The following SLC35F4 variants were observed in gnomAD, a reference collection of about 807,000 sequenced individuals.
The protein encoded by SLC35F4 is solute carrier family 35 member F4.
A neutral mutation model predicts 44.2 loss-of-function variants in SLC35F4; 24 were observed. That is an observed-to-expected ratio of 0.54 (90% CI 0.39 to 0.76). The LOEUF is 0.76. Ranked by LOEUF, SLC35F4 falls within the 30% of genes least tolerant of loss-of-function variation. The probability of loss-of-function intolerance (pLI) is 0.00; values close to 1 mark genes in which losing one functional copy is unlikely to be tolerated. For missense variants in SLC35F4, 562 were observed against 586.1 expected (o/e 0.96, Z 0.42); for synonymous variants, 238 against 223.6 (o/e 1.06, Z -0.57).
chr14:57,581,139 A>G (rs147425664), intron 4 of SLC35F4, 75 bp downstream of exon 4: 14,993 of 1,396,580 alleles, frequency 0.011, 129 homozygotes, highest in East Asian at 0.048. Context: ...CACGAAACAA[A>G]GCAGACAGGC....
rs200501656 is a variant in SLC35F4 at position 57,566,441 on chromosome 14, G to A, written c.1216+34C>T. 43 of 1,551,166 alleles carry A rather than the reference G, an allele frequency of 2.8e-5. No individual in the cohort carries two copies. The African/African-American group carries it at 5.2e-4, about 19-fold the overall frequency. ...AAACACAAGCAAGAGACTTGTAGTGGCCAGGATCTGCACATGTCACATGGT... is the reference window on the plus strand; with the variant it reads ...AAACACAAGCAAGAGACTTGTAGTGACCAGGATCTGCACATGTCACATGGT... On this transcript the variant is annotated intron_variant, in intron 7 of 7. Coordinates refer to ENST00000556826, the MANE Select transcript of SLC35F4 (RefSeq NM_001306087.2).
At chr14:57,594,792 C>A (rs944297870) in intron 1 of SLC35F4, among the ~76,000 whole-genome samples, 1 of 152,156 alleles carries the variant, frequency 6.6e-6, no homozygotes, top group Non-Finnish European at 1.5e-5. Flanking sequence ...AATTTAATTT[C>A]ATTGTGTCTT....
At chr14:57,783,460 A>G (rs1358773555) in intron 1 of SLC35F4, among the ~76,000 whole-genome samples, 3 of 152,190 alleles carry the variant, frequency 2.0e-5, no homozygotes, top group African/African-American at 4.8e-5. Flanking sequence ...CCAGGATTTA[A>G]GGCAGGAAGG....
At position 57,566,669 on chromosome 14, in the gene SLC35F4, A is replaced by G. The variant is rs989746300; in HGVS notation, c.1127-105T>C. 2.3e-5 allele frequency: 25 copies of G among 1,097,436 alleles called. No individual in the cohort carries two copies. In the African/African-American group the frequency reaches 3.0e-4, roughly 13 times the overall value. The allele number at this position is 1,097,436 out of a possible 1,614,324, so 68.0% of individuals were successfully genotyped here. On this transcript the variant is annotated intron_variant, in intron 6 of 7. Coordinates refer to ENST00000556826, the MANE Select transcript of SLC35F4 (RefSeq NM_001306087.2). ...TGTCTTTGCTACATGTGCCTTTTAA[A>G]CTGTCTATACCTTTGATCCTCTAAT...
At chr14:57,938,761 G>A (rs1363790607) in intron 1 of SLC35F4, among the ~76,000 whole-genome samples, 3 of 152,144 alleles carry the variant, frequency 2.0e-5, no homozygotes, top group South Asian at 4.1e-4. Flanking sequence ...CTACTGCTAT[G>A]TAAACCATGC....
chr14:57,785,274 T>C (rs2077726603), intron 1 of SLC35F4, among the ~76,000 whole-genome samples: 1 of 152,202 alleles, frequency 6.6e-6, no homozygotes, highest in African/African-American at 2.4e-5. Flanking sequence ...ATGGCAGCTA[T>C]GGTATCACAC....
chr14:57,700,909 C>T (rs1175288111), intron 1 of SLC35F4, among the ~76,000 whole-genome samples: 4 of 152,008 alleles, frequency 2.6e-5, no homozygotes, highest in Non-Finnish European at 5.9e-5. Flanking sequence ...CTGTGTCAAA[C>T]AAACAAAAAA....
At chr14:57,710,140 T>G (rs147450393) in intron 1 of SLC35F4, among the ~76,000 whole-genome samples, 29 of 152,294 alleles carry the variant, frequency 1.9e-4, no homozygotes, top group Non-Finnish European at 2.8e-4. Context: ...CTCTGTGCAG[T>G]CTCAAGACAT....
chr14:57,716,536 TTA>T (rs1238173893), intron 1 of SLC35F4, among the ~76,000 whole-genome samples: 9 of 152,204 alleles, frequency 5.9e-5, no homozygotes, highest in Non-Finnish European at 1.3e-4. Flanking sequence ...AAACTGTTCA[TTA>T]TGTTACTTTA....
At chr14:57,664,024 G>A (rs2074227248) in intron 1 of SLC35F4, among the ~76,000 whole-genome samples, 1 of 152,010 alleles carries the variant, frequency 6.6e-6, no homozygotes, top group Non-Finnish European at 1.5e-5. Flanking sequence ...CCTCATAGCA[G>A]TAGGGCACTG....
At chr14:57,731,549 C>G (rs148395212) in intron 1 of SLC35F4, among the ~76,000 whole-genome samples, 41 of 152,282 alleles carry the variant, frequency 2.7e-4, no homozygotes, top group Non-Finnish European at 4.0e-4. Context: ...GTTGTCTTCA[C>G]TGGTTCGAGC....
intron 1 of SLC35F4, among the ~76,000 whole-genome samples, chr14:57,964,906 C>T (rs1046504887): frequency 1.3e-5 from 2 of 150,226 alleles, no homozygotes; most frequent in Non-Finnish European, 3.0e-5. Flanking sequence ...AGGGGCATCA[C>T]TAGGCTTCCA....
At chr14:57,935,918 G>A (rs1889786439) in intron 1 of SLC35F4, among the ~76,000 whole-genome samples, 1 of 152,188 alleles carries the variant, frequency 6.6e-6, no homozygotes, top group South Asian at 2.1e-4. Flanking sequence ...GAATTTGAAA[G>A]TAAGTTTGGA....
At chr14:57,839,652 C>T (rs1033832609) in intron 1 of SLC35F4, among the ~76,000 whole-genome samples, 1 of 151,998 alleles carries the variant, frequency 6.6e-6, no homozygotes, top group African/African-American at 2.4e-5. Context: ...GGGGGCTAGG[C>T]TTAATACCTA....
At chr14:57,885,729 C>T (rs142879029) in intron 1 of SLC35F4, among the ~76,000 whole-genome samples, 2 of 152,182 alleles carry the variant, frequency 1.3e-5, no homozygotes, top group Non-Finnish European at 2.9e-5. Flanking sequence ...TTTTTATCAT[C>T]ACAGAATGTT....
At chr14:57,952,151 G>A (rs1357469090) in intron 1 of SLC35F4, among the ~76,000 whole-genome samples, 1 of 152,204 alleles carries the variant, frequency 6.6e-6, no homozygotes, top group Non-Finnish European at 1.5e-5. Context: ...GACAGGGTCT[G>A]GAGTGGACCT....
chr14:57,677,791 G>A (rs562456200), intron 1 of SLC35F4, among the ~76,000 whole-genome samples: 1 of 145,580 alleles, frequency 6.9e-6, no homozygotes, highest in Admixed American at 6.8e-5. Flanking sequence ...ACTACTAAGA[G>A]TTCTCAGAAA....
chr14:57,614,782 G>A (rs1566685611), intron 1 of SLC35F4, among the ~76,000 whole-genome samples: 1 of 152,144 alleles, frequency 6.6e-6, no homozygotes, highest in Non-Finnish European at 1.5e-5. Context: ...TCCCCATAAT[G>A]ACTTCTGGGT....
chr14:57,982,021 G>C (rs1881396669), exon 1 of SLC35F4: 1 of 152,076 alleles, frequency 6.6e-6, no homozygotes, highest in South Asian at 2.1e-4. Flanking sequence ...CAATCATTCT[G>C]AGTCCTTAAT....
Sources: gnomAD v4.1 joint callset for allele counts (sites outside exome capture counted in the v4.1 genomes callset) on GRCh38, gnomAD v4.1.1 for gene constraint, MANE v1.5 for transcripts, NCBI Gene and HGNC (gene_info 2026-07-23, HGNC 2026-07-21) for gene names.